GAREM1: variants seen among roughly 807,000 people sequenced by gnomAD.
GAREM1 encodes GRB2 associated regulator of MAPK1 subtype 1, also known as GRB2-associated and regulator of MAPK protein 1.
A neutral mutation model predicts 71.3 loss-of-function variants in GAREM1; 26 were observed. The observed-to-expected ratio is 0.36, with a 90% CI of 0.27 to 0.51. The LOEUF (loss-of-function observed/expected upper bound fraction) is 0.51, where lower values mean the gene tolerates loss of function less well. Ranked by LOEUF, GAREM1 falls within the 20% of genes least tolerant of loss-of-function variation. The pLI is 0.95. For synonymous variants in GAREM1, 440 were observed against 433.2 expected (o/e 1.02, Z -0.20); for missense variants, 1,026 against 1,103.1 (o/e 0.93, Z 0.99).
intron 2 of GAREM1, among the ~76,000 whole-genome samples, chr18:32,345,453 A>G (rs575102818): frequency 6.6e-6 from 1 of 152,346 alleles, no homozygotes; most frequent in East Asian, 1.9e-4. Flanking sequence ...ACAAAACCTT[A>G]TGATATAAAT....
Position 32,287,281 on chromosome 18 carries a change from C to T in GAREM1, c.1316G>A (p.Ser439Asn), listed in dbSNP as rs2047030639. 2 of 1,614,112 alleles carry T rather than the reference C, an allele frequency of 1.2e-6. No homozygotes were observed. Among genetic ancestry groups the T allele is most frequent in the Non-Finnish European group, 1.7e-6 (2 of 1,180,052 alleles). The change falls in exon 4 of 6, where the codon AGT (serine) becomes AAT (asparagine). Residue 439 changes from serine to asparagine, a missense_variant. By Grantham distance (46) the Ser-to-Asn change is conservative. Transcript: ENST00000269209. This position sits in a 1 kb window ranked among gnomAD's most constrained non-coding sequence, Gnocchi z 5.9. The part of the protein sequence containing the change: ...SGSDYLFPEA[S>N]EESAGIPGKS... ...TCCCGGGATGCCTGCTGATTCTTCA[C>T]TAGCTTCTGGGAAAAGGTAGTCGCT... is the stretch of plus-strand genomic sequence containing the variant.
chr18:32,405,911 T>C (rs906724817), intron 1 of GAREM1, among the ~76,000 whole-genome samples: 4 of 152,240 alleles, frequency 2.6e-5, no homozygotes, highest in African/African-American at 7.2e-5. Flanking sequence ...ATACTATGCC[T>C]GTGATGTGTT....
intron 1 of GAREM1, among the ~76,000 whole-genome samples, chr18:32,395,888 A>G (rs1363693955): frequency 6.6e-6 from 1 of 152,190 alleles, no homozygotes; most frequent in African/African-American, 2.4e-5. Context: ...CTGACCCCCA[A>G]GTAGCTTAAC....
chr18:32,294,830 A>G (rs949608307), intron 3 of GAREM1, among the ~76,000 whole-genome samples: 3 of 152,146 alleles, frequency 2.0e-5, no homozygotes, highest in African/African-American at 4.8e-5. Context: ...CCCTTCTCTC[A>G]TAACAGAGTG....
In GAREM1 at chr18:32,425,220, A is replaced by AT. The variant is rs139182644; in HGVS notation, c.122-32186dup. On this transcript the variant is annotated intron_variant, in intron 1 of 5. Coordinates refer to ENST00000269209, the MANE Select transcript of GAREM1 (RefSeq NM_001242409.2). ...AGCAGCTCCCACTTTAAAAATATATATTTTTTCCACATTAATGATAGGAAA... is the reference window on the plus strand; with the variant it reads ...AGCAGCTCCCACTTTAAAAATATATATTTTTTTCCACATTAATGATAGGAAA... Among the ~76,000 whole-genome samples the AT allele has an allele frequency of 9.2e-3, 1,401 of 152,258 alleles. 13 individuals are homozygous for AT. The highest frequency in any genetic ancestry group is 0.015 in the Non-Finnish European group (993 of 68,016).
chr18:32,450,984 T>TAA (rs150211888), intron 1 of GAREM1, among the ~76,000 whole-genome samples: 1 of 149,974 alleles, frequency 6.7e-6, no homozygotes, highest in East Asian at 2.0e-4. Context: ...TCATTTCTAT[T>TAA]AAAAAAAAAA....
In GAREM1 at chr18:32,376,786, C is replaced by T. The variant is rs1164549643; in HGVS notation, c.262+16109G>A. ...CCGGGAGGCGGAGGCTGCAATGAGC[C>T]GAGATTGCACCATTGCACTCCAGCC... On this transcript the variant is annotated intron_variant, in intron 2 of 5. Coordinates refer to ENST00000269209, the MANE Select transcript of GAREM1 (RefSeq NM_001242409.2). Among the ~76,000 whole-genome samples the T allele has an allele frequency of 2.6e-5, 4 of 152,050 alleles. No individual in the cohort carries two copies. In the East Asian group the frequency reaches 5.8e-4, roughly 22 times the overall value.
intron 3 of GAREM1, among the ~76,000 whole-genome samples, chr18:32,303,875 A>G (rs1052183451): frequency 1.3e-5 from 2 of 151,764 alleles, no homozygotes; most frequent in Non-Finnish European, 2.9e-5. Flanking sequence ...GAGCTATGAT[A>G]GTGCCACTGC....
At chr18:32,468,294 T>C (rs2049017120) in intron 1 of GAREM1, among the ~76,000 whole-genome samples, 1 of 152,224 alleles carries the variant, frequency 6.6e-6, no homozygotes, top group Non-Finnish European at 1.5e-5. Flanking sequence ...TGAAATTACT[T>C]GGCATAGCTT....
chr18:32,403,681 T>A (rs2048338297), intron 1 of GAREM1, among the ~76,000 whole-genome samples: 1 of 152,096 alleles, frequency 6.6e-6, no homozygotes, highest in Non-Finnish European at 1.5e-5. Flanking sequence ...GCTCAAGTGA[T>A]CCTCCTCCCT....
At chr18:32,328,717 A>T (rs1238527123) in intron 2 of GAREM1, among the ~76,000 whole-genome samples, 2 of 152,234 alleles carry the variant, frequency 1.3e-5, no homozygotes, top group Non-Finnish European at 2.9e-5. Flanking sequence ...CTGGCTCATT[A>T]TATGGAGAAA....
chr18:32,347,235 C>T (rs905962204), intron 2 of GAREM1, among the ~76,000 whole-genome samples: 20 of 152,144 alleles, frequency 1.3e-4, no homozygotes, highest in Non-Finnish European at 2.6e-4. Context: ...GCATGGCGCT[C>T]ATGTCTGTAA....
intron 1 of GAREM1, among the ~76,000 whole-genome samples, chr18:32,417,275 G>A (rs569833202): frequency 6.6e-6 from 1 of 152,298 alleles, no homozygotes; most frequent in South Asian, 2.1e-4. Flanking sequence ...TGGTAGTAAC[G>A]TAAATTAGTA....
chr18:32,280,966 C>A (rs1218547006), intron 4 of GAREM1, among the ~76,000 whole-genome samples: 2 of 152,166 alleles, frequency 1.3e-5, no homozygotes, highest in Non-Finnish European at 2.9e-5. Flanking sequence ...TGGGAAAAAA[C>A]CTCTAAACAG....
At chr18:32,414,935 A>T (rs2048453660) in intron 1 of GAREM1, among the ~76,000 whole-genome samples, 1 of 152,094 alleles carries the variant, frequency 6.6e-6, no homozygotes, top group Non-Finnish European at 1.5e-5. Flanking sequence ...CTTTTTGAAA[A>T]GATAAACAAA....
intron 1 of GAREM1, among the ~76,000 whole-genome samples, chr18:32,443,543 T>C (rs2048760370): frequency 6.6e-6 from 1 of 152,108 alleles, no homozygotes; most frequent in Non-Finnish European, 1.5e-5. Context: ...ATGCTCAACA[T>C]CGTTAGTCAT....
At chr18:32,355,673 T>C (rs2047797901) in intron 2 of GAREM1, among the ~76,000 whole-genome samples, 1 of 152,198 alleles carries the variant, frequency 6.6e-6, no homozygotes, top group South Asian at 2.1e-4. Context: ...TTTTTTCTAG[T>C]ACCTTGACAC....
chr18:32,448,446 G>A (rs369265665), intron 1 of GAREM1, among the ~76,000 whole-genome samples: 1 of 152,142 alleles, frequency 6.6e-6, no homozygotes, highest in Non-Finnish European at 1.5e-5. Context: ...GCACTGGCCT[G>A]TTTCTGGCTT....
chr18:32,406,126 T>C (rs909470683), intron 1 of GAREM1, among the ~76,000 whole-genome samples: 1 of 152,224 alleles, frequency 6.6e-6, no homozygotes, highest in Non-Finnish European at 1.5e-5. Flanking sequence ...ATTCTTTTAG[T>C]TACATTTGAT....
Sources: gnomAD v4.1 joint callset for allele counts (sites outside exome capture counted in the v4.1 genomes callset) on GRCh38, gnomAD v4.1.1 for gene constraint, Gnocchi (gnomAD v3.1) non-coding constraint, MANE v1.5 for transcripts, NCBI Gene and HGNC (gene_info 2026-07-23, HGNC 2026-07-21) for gene names.